Variants in RARB observed in about 807,000 individuals in gnomAD.
RARB encodes HBV-activated protein.
A neutral mutation model predicts 51.9 loss-of-function variants in RARB; 17 were observed. The ratio of observed to expected loss-of-function variants is 0.33; its 90% CI spans 0.22 to 0.49. The LOEUF is 0.49. Ranked by LOEUF, RARB falls within the 20% of genes least tolerant of loss-of-function variation. RARB has a pLI of 0.99. For synonymous variants in RARB, 215 were observed against 195.4 expected, an observed-to-expected ratio of 1.10 and a Z score of -0.84; for missense variants, 369 against 550.8, an observed-to-expected ratio of 0.67 and a Z score of 3.30.
chr3:25,276,428 T>G (rs566763465), intron 5 of RARB, among the ~76,000 whole-genome samples: 1 of 152,320 alleles, frequency 6.6e-6, no homozygotes, highest in African/African-American at 2.4e-5. Context: ...AATTGTTGTG[T>G]TCATTACAAA....
At chr3:25,213,071 A>AT (rs1010527271) in intron 5 of RARB, among the ~76,000 whole-genome samples, 8 of 152,060 alleles carry the variant, frequency 5.3e-5, no homozygotes, top group Non-Finnish European at 1.2e-4. Context: ...TCACAACAGT[A>AT]TTTTTTTAAC....
chr3:25,427,731 A>G (rs1270423628), upstream of RARB, among the ~76,000 whole-genome samples: 1 of 152,184 alleles, frequency 6.6e-6, no homozygotes, highest in African/African-American at 2.4e-5. Flanking sequence ...AAGTTTCCCA[A>G]CCCAAGCCTT....
At chr3:25,288,592 A>G (rs761102615) in intron 5 of RARB, among the ~76,000 whole-genome samples, 1 of 152,180 alleles carries the variant, frequency 6.6e-6, no homozygotes, top group Admixed American at 6.5e-5. Flanking sequence ...GGTGGTATCC[A>G]TTTGGTGAAT....
intron 5 of RARB, among the ~76,000 whole-genome samples, chr3:25,233,364 T>A (rs1362715202): frequency 6.6e-6 from 1 of 152,190 alleles, no homozygotes; most frequent in African/African-American, 2.4e-5. Context: ...ACAAGTGATT[T>A]TTTTTTATGT....
At chr3:24,892,191 AT>A (rs1703395070) in intron 2 of RARB, among the ~76,000 whole-genome samples, 1 of 149,332 alleles carries the variant, frequency 6.7e-6, no homozygotes, top group South Asian at 2.2e-4. Context: ...TAGAAAGGCC[AT>A]TTTCTAATTC....
chr3:25,284,057 A>G (rs1313133825), intron 5 of RARB, among the ~76,000 whole-genome samples: 1 of 152,116 alleles, frequency 6.6e-6, no homozygotes, highest in African/African-American at 2.4e-5. Flanking sequence ...CCTTCCCTTC[A>G]TTCCTCCCTC....
intron 2 of RARB, among the ~76,000 whole-genome samples, chr3:25,038,169 A>G (rs544662521): frequency 1.7e-4 from 26 of 152,308 alleles, no homozygotes; most frequent in African/African-American, 5.8e-4. Context: ...GTCATATTAC[A>G]TCTCTGGGCC....
At chr3:25,322,965 C>T (rs1704613632) in intron 5 of RARB, among the ~76,000 whole-genome samples, 2 of 152,192 alleles carry the variant, frequency 1.3e-5, no homozygotes, top group Non-Finnish European at 2.9e-5. Context: ...TTAGGCAGCA[C>T]TCAGCTGGTC....
intron 3 of RARB, among the ~76,000 whole-genome samples, chr3:25,545,528 A>C (rs563540893): frequency 6.6e-6 from 1 of 152,114 alleles, no homozygotes; most frequent in East Asian, 1.9e-4. Flanking sequence ...TGGCCATCCA[A>C]CGTTCACCCG....
At chr3:24,897,648 T>C (rs1703505892) in intron 2 of RARB, among the ~76,000 whole-genome samples, 1 of 152,210 alleles carries the variant, frequency 6.6e-6, no homozygotes, top group Non-Finnish European at 1.5e-5. Context: ...GTTATTCTTT[T>C]TCTAGGCCTT....
At chr3:25,061,763 T>G (rs1487117568) in intron 3 of RARB, among the ~76,000 whole-genome samples, 2 of 151,812 alleles carry the variant, frequency 1.3e-5, no homozygotes. Flanking sequence ...TAATAATGAC[T>G]ATGGTTTACA....
At chr3:25,455,442 C>T (rs1392934780) in intron 1 of RARB, among the ~76,000 whole-genome samples, 1 of 152,196 alleles carries the variant, frequency 6.6e-6, no homozygotes, top group Admixed American at 6.5e-5. Context: ...CTTTGAGGAA[C>T]ATTGATTTAA....
intron 5 of RARB, 100 bp downstream of exon 5, chr3:25,580,822 G>T: frequency 7.5e-7 from 1 of 1,331,974 alleles, no homozygotes; most frequent in Non-Finnish European, 1.0e-6. Context: ...TCCAGAGGAG[G>T]TTTTGAGTTT....
At chr3:25,299,127 G>A (rs113014757) in intron 5 of RARB, among the ~76,000 whole-genome samples, 6,859 of 152,106 alleles carry the variant, frequency 0.045, 156 homozygotes, top group Non-Finnish European at 0.051. Context: ...TTAGTTTGGG[G>A]GTTTTATAAT....
chr3:25,311,143 C>G (rs1704279306), intron 5 of RARB, among the ~76,000 whole-genome samples: 1 of 152,096 alleles, frequency 6.6e-6, no homozygotes, highest in Admixed American at 6.5e-5. Flanking sequence ...TTGTGCCAAG[C>G]CTTGAAGGAC....
At chr3:25,232,499 T>C (rs551321652) in intron 5 of RARB, among the ~76,000 whole-genome samples, 128 of 152,266 alleles carry the variant, frequency 8.4e-4, no homozygotes, top group Non-Finnish European at 1.7e-3. Context: ...CAAATAAGCC[T>C]AATAAAAGAA....
intron 2 of RARB, among the ~76,000 whole-genome samples, chr3:24,929,659 C>T (rs945741375): frequency 5.3e-5 from 8 of 152,048 alleles, no homozygotes; most frequent in African/African-American, 1.9e-4. Flanking sequence ...ATTTGTGGCT[C>T]ATTTCTAGCA....
intron 2 of RARB, among the ~76,000 whole-genome samples, chr3:25,001,716 C>T (rs2125275246): frequency 6.6e-6 from 1 of 152,288 alleles, no homozygotes; most frequent in East Asian, 1.9e-4. Flanking sequence ...TGTTCCATCC[C>T]ATCTTTGCTA....
chr3:25,009,704 A>C (rs1697353545), intron 2 of RARB, among the ~76,000 whole-genome samples: 1 of 152,064 alleles, frequency 6.6e-6, no homozygotes, highest in Non-Finnish European at 1.5e-5. Context: ...ACCTTTGCTC[A>C]CCAGGTCTCC....
Sources: gnomAD v4.1 joint callset for allele counts (sites outside exome capture counted in the v4.1 genomes callset) on GRCh38, gnomAD v4.1.1 for gene constraint, MANE v1.5 for transcripts, NCBI Gene and HGNC (gene_info 2026-07-23, HGNC 2026-07-21) for gene names.